TAFA2: variants seen among roughly 807,000 people sequenced by gnomAD.
TAFA2 encodes TAFA chemokine like family member 2, also known as chemokine-like protein TAFA-2.
A neutral mutation model predicts 18.8 loss-of-function variants in TAFA2; 7 were observed. The observed-to-expected ratio is 0.37, with a 90% CI of 0.21 to 0.70. The LOEUF is 0.70. TAFA2 is among the 30% of genes least tolerant of loss of function. The pLI, the probability that TAFA2 is intolerant of heterozygous loss-of-function variation, is 0.53. For synonymous variants in TAFA2, 60 were observed against 54.2 expected (o/e 1.11, Z -0.47); for missense variants, 122 against 158.1 (o/e 0.77, Z 1.23).
chr12:61,816,662 C>G (rs1158786907), intron 2 of TAFA2, among the ~76,000 whole-genome samples: 1 of 151,262 alleles, frequency 6.6e-6, no homozygotes, highest in Non-Finnish European at 1.5e-5. Context: ...GTTCCTAGGG[C>G]TATTTTAAGT....
intron 2 of TAFA2, among the ~76,000 whole-genome samples, chr12:61,821,135 ACACAC>A (rs1336047941): frequency 1.3e-5 from 1 of 79,710 alleles, no homozygotes; most frequent in Non-Finnish European, 3.4e-5. Context: ...GGGTACACAC[ACACAC>A]ACACACACAC....
At chr12:61,899,184 A>G (rs559065500) in intron 1 of TAFA2, among the ~76,000 whole-genome samples, 1 of 152,270 alleles carries the variant, frequency 6.6e-6, no homozygotes, top group Admixed American at 6.5e-5. Context: ...TCTTTCCTAC[A>G]TCTTCCTGTC....
At chr12:61,818,688 C>G (rs1872196585) in intron 2 of TAFA2, among the ~76,000 whole-genome samples, 1 of 152,166 alleles carries the variant, frequency 6.6e-6, no homozygotes, top group African/African-American at 2.4e-5. Flanking sequence ...TCACAAAACC[C>G]AAAGGAACAC....
chr12:61,877,011 C>A (rs982336306), intron 1 of TAFA2, among the ~76,000 whole-genome samples: 1 of 152,110 alleles, frequency 6.6e-6, no homozygotes, highest in South Asian at 2.1e-4. Flanking sequence ...TATACTTTAA[C>A]GAGCTGTCTT....
chr12:61,848,735 A>T lies in TAFA2; in HGVS notation c.106+18585T>A, dbSNP rs1278575792. On this transcript the variant is annotated intron_variant, in intron 2 of 4. Coordinates refer to ENST00000416284, the MANE Select transcript of TAFA2 (RefSeq NM_178539.5). ...CATGGCCAGCAAAAAAAAAAAAATA[A>T]GTTTCAATATTTATAATAGTATTAT... Among the ~76,000 whole-genome samples the T allele has an allele frequency of 7.9e-5, 12 of 152,042 alleles. 2 individuals are homozygous for T. Among genetic ancestry groups the T allele is most frequent in the African/African-American group, 2.4e-4 (10 of 41,522 alleles).
chr12:62,164,396 G>T (rs1305242233), intron 1 of TAFA2, among the ~76,000 whole-genome samples: 1 of 152,102 alleles, frequency 6.6e-6, no homozygotes, highest in Non-Finnish European at 1.5e-5. Flanking sequence ...ACACTGAGTT[G>T]TTTTTAAATA....
chr12:62,043,555 T>C (rs942964420), intron 1 of TAFA2, among the ~76,000 whole-genome samples: 5 of 152,104 alleles, frequency 3.3e-5, no homozygotes, highest in Admixed American at 2.0e-4. Context: ...ATGGCACATG[T>C]ATACATATGT....
chr12:61,741,705 T>G (rs1868459153), intron 4 of TAFA2, among the ~76,000 whole-genome samples: 2 of 152,096 alleles, frequency 1.3e-5, no homozygotes, highest in African/African-American at 4.8e-5. Flanking sequence ...TGACTTTCTA[T>G]CCAATTGACT....
intron 2 of TAFA2, among the ~76,000 whole-genome samples, chr12:61,846,605 C>T (rs565390532): frequency 3.2e-4 from 48 of 152,232 alleles, no homozygotes; most frequent in African/African-American, 1.1e-3. Context: ...TTTTTAAATG[C>T]TTCCATAAAA....
At chr12:62,049,726 G>A (rs999009188) in intron 1 of TAFA2, among the ~76,000 whole-genome samples, 2 of 152,150 alleles carry the variant, frequency 1.3e-5, no homozygotes, top group African/African-American at 4.8e-5. Context: ...CGAGTTTTCA[G>A]TATGAAGTCA....
At chr12:62,123,129 C>T (rs889813541) in intron 1 of TAFA2, among the ~76,000 whole-genome samples, 2 of 152,190 alleles carry the variant, frequency 1.3e-5, no homozygotes, top group Non-Finnish European at 2.9e-5. Flanking sequence ...TTACCAAATA[C>T]GCTTATATAC....
intron 1 of TAFA2, among the ~76,000 whole-genome samples, chr12:62,107,480 T>C (rs17713979): frequency 0.01 from 1,527 of 152,310 alleles, 15 homozygotes; most frequent in East Asian, 0.021. Flanking sequence ...ATTTTCTTAA[T>C]TTTGGTCTTG....
intron 1 of TAFA2, among the ~76,000 whole-genome samples, chr12:62,205,699 A>G (rs2062688934): frequency 6.6e-6 from 1 of 152,202 alleles, no homozygotes; most frequent in Non-Finnish European, 1.5e-5. Context: ...GAAACACAGC[A>G]GACTGGAGTG....
chr12:61,928,448 A>T (rs1038844912), intron 1 of TAFA2, among the ~76,000 whole-genome samples: 1 of 152,234 alleles, frequency 6.6e-6, no homozygotes, highest in Non-Finnish European at 1.5e-5. Context: ...GAGAAATCCA[A>T]ATCAAAAACA....
chr12:61,971,698 G>A (rs972160192), intron 1 of TAFA2, among the ~76,000 whole-genome samples: 4 of 151,738 alleles, frequency 2.6e-5, no homozygotes, highest in Non-Finnish European at 1.5e-5. Context: ...CACTGGGAGG[G>A]AAACATACAC....
intron 1 of TAFA2, among the ~76,000 whole-genome samples, chr12:62,042,408 TGTGTGTGTGTGTGTGTGTGTGCGC>T (rs1178987929): frequency 9.0e-6 from 1 of 111,474 alleles, no homozygotes; most frequent in Non-Finnish European, 2.0e-5. Flanking sequence ...AGTCTGTGTG[TGTGTGTGTGTGTGTGTGTGTGCGC>T]GTGTGTGTGT....
chr12:61,744,987 T>C (rs1868632808), intron 4 of TAFA2, among the ~76,000 whole-genome samples: 1 of 152,104 alleles, frequency 6.6e-6, no homozygotes, highest in Non-Finnish European at 1.5e-5. Flanking sequence ...AACTTAACAT[T>C]AGTATAGTGA....
chr12:61,954,297 T>C lies in TAFA2; in HGVS notation c.-1-86871A>G, dbSNP rs149688961. ...AGTTAAAGCATGAACTTAAGGCAAC[T>C]ACAGAGCTAGTAATAGGAAATAATA... On this transcript the variant is annotated intron_variant, in intron 1 of 4. Transcript: ENST00000416284. 4.6e-5 allele frequency among the ~76,000 whole-genome samples: 7 copies of C among 152,316 alleles called. No homozygotes were observed. In the East Asian group the frequency reaches 1.2e-3, roughly 25 times the overall value.
At chr12:62,158,455 T>C (rs2062385801) in intron 1 of TAFA2, among the ~76,000 whole-genome samples, 1 of 152,220 alleles carries the variant, frequency 6.6e-6, no homozygotes, top group Admixed American at 6.5e-5. Context: ...CTTCTCCTGG[T>C]GAGTTCTTCG....
Sources: gnomAD v4.1 joint callset for allele counts (sites outside exome capture counted in the v4.1 genomes callset) on GRCh38, gnomAD v4.1.1 for gene constraint, MANE v1.5 for transcripts, NCBI Gene and HGNC (gene_info 2026-07-23, HGNC 2026-07-21) for gene names.